Variants in CDH13 observed in about 807,000 individuals in gnomAD.
CDH13 encodes the protein cadherin-13.
Under a neutral mutation model 63.8 loss-of-function variants are expected in CDH13, and 24 were observed. The ratio of observed to expected loss-of-function variants is 0.38; its 90% CI spans 0.27 to 0.53. CDH13 has a LOEUF of 0.53. CDH13 is among the 20% of genes least tolerant of loss of function. The pLI is 0.85. For synonymous variants in CDH13, 503 were observed against 355.3 expected (o/e 1.42, Z -4.67); for missense variants, 1,049 against 903.1 (o/e 1.16, Z -2.07).
intron 3 of CDH13, among the ~76,000 whole-genome samples, chr16:83,110,298 G>A (rs1365642401): frequency 6.6e-5 from 10 of 152,164 alleles, no homozygotes; most frequent in African/African-American, 2.4e-4. Context: ...TAATTGGCAT[G>A]TCTGTCTTTC....
chr16:83,598,605 A>G (rs1907488551), intron 7 of CDH13, among the ~76,000 whole-genome samples: 1 of 152,164 alleles, frequency 6.6e-6, no homozygotes, highest in Non-Finnish European at 1.5e-5. Context: ...AAACTGCCTT[A>G]TTCCTACCTA....
At chr16:83,514,366 G>C (rs117430654) in intron 7 of CDH13, among the ~76,000 whole-genome samples, 2 of 152,252 alleles carry the variant, frequency 1.3e-5, no homozygotes, top group Non-Finnish European at 2.9e-5. Flanking sequence ...GAGGAGGGCC[G>C]GGTTCGGTGG....
intron 4 of CDH13, among the ~76,000 whole-genome samples, chr16:83,206,656 C>G (rs559752868): frequency 6.6e-6 from 1 of 152,342 alleles, no homozygotes; most frequent in African/African-American, 2.4e-5. Context: ...GGCCACTGCT[C>G]CTAGGACCAC....
At chr16:82,810,715 T>C (rs2037400259) in intron 1 of CDH13, among the ~76,000 whole-genome samples, 1 of 152,124 alleles carries the variant, frequency 6.6e-6, no homozygotes, top group South Asian at 2.1e-4. Context: ...CTCCCAACCC[T>C]TCAGTCAGCT....
At chr16:83,154,422 C>T (rs192660705) in intron 4 of CDH13, among the ~76,000 whole-genome samples, 2 of 151,956 alleles carry the variant, frequency 1.3e-5, no homozygotes, top group African/African-American at 4.8e-5. Context: ...ATAAAATTAG[C>T]AAGGTGTGGT....
intron 4 of CDH13, among the ~76,000 whole-genome samples, chr16:83,202,141 C>T (rs1283798891): frequency 6.6e-6 from 1 of 152,134 alleles, no homozygotes; most frequent in Non-Finnish European, 1.5e-5. Flanking sequence ...TTCAAAGGTC[C>T]TCAGTCTCTC....
intron 1 of CDH13, among the ~76,000 whole-genome samples, chr16:82,630,922 C>A (rs945641975): frequency 1.3e-5 from 2 of 152,198 alleles, no homozygotes; most frequent in Admixed American, 1.3e-4. Flanking sequence ...CACAGCATTA[C>A]AAAATTCTGA....
chr16:83,484,703 T>C (rs1377316155), intron 6 of CDH13, among the ~76,000 whole-genome samples: 1 of 152,226 alleles, frequency 6.6e-6, no homozygotes, highest in African/African-American at 2.4e-5. Flanking sequence ...CAGGGAGAAG[T>C]TCTCCTTATA....
At chr16:83,580,143 G>C (rs1350459810) in intron 7 of CDH13, among the ~76,000 whole-genome samples, 1 of 152,166 alleles carries the variant, frequency 6.6e-6, no homozygotes, top group Non-Finnish European at 1.5e-5. Context: ...GAGTTTAAAT[G>C]TTATCCTGGT....
intron 7 of CDH13, among the ~76,000 whole-genome samples, chr16:83,500,323 C>T (rs867535996): frequency 0.014 from 6 of 414 alleles, 1 homozygote; most frequent in African/African-American, 0.016. Flanking sequence ...TCCTTCTCCT[C>T]CTCCTCCTCC....
At chr16:83,465,328 G>A (rs568815226) in intron 6 of CDH13, among the ~76,000 whole-genome samples, 108 of 152,306 alleles carry the variant, frequency 7.1e-4, no homozygotes, top group African/African-American at 2.5e-3. Context: ...AGAATTACAA[G>A]AGGGTCCCTG....
At chr16:83,037,545 C>T (rs1253356561) in intron 3 of CDH13, among the ~76,000 whole-genome samples, 1 of 152,160 alleles carries the variant, frequency 6.6e-6, no homozygotes, top group African/African-American at 2.4e-5. Context: ...TCCAGATTGT[C>T]TAGCCTGGAG....
At chr16:82,872,889 T>C (rs2040391871) in intron 2 of CDH13, among the ~76,000 whole-genome samples, 1 of 152,198 alleles carries the variant, frequency 6.6e-6, no homozygotes, top group Non-Finnish European at 1.5e-5. Flanking sequence ...GATAAAGCTT[T>C]GAATCAGATA....
At chr16:82,772,519 C>G (rs1005062315) in intron 1 of CDH13, among the ~76,000 whole-genome samples, 1 of 152,162 alleles carries the variant, frequency 6.6e-6, no homozygotes, top group South Asian at 2.1e-4. Flanking sequence ...GGTCTCTCAA[C>G]CTGAGGTGGC....
At chr16:83,394,558 G>A (rs2091849381) in intron 6 of CDH13, among the ~76,000 whole-genome samples, 1 of 152,168 alleles carries the variant, frequency 6.6e-6, no homozygotes, top group Admixed American at 6.5e-5. Flanking sequence ...CAACTGTGCA[G>A]GCGTAGTAAA....
At chr16:83,473,654 G>C (rs1228268173) in intron 6 of CDH13, among the ~76,000 whole-genome samples, 1 of 152,138 alleles carries the variant, frequency 6.6e-6, no homozygotes, top group Non-Finnish European at 1.5e-5. Flanking sequence ...GCAGGGCAAG[G>C]TCCTCAATAG....
At chr16:83,063,030 C>T (rs933244114) in intron 3 of CDH13, among the ~76,000 whole-genome samples, 5 of 149,446 alleles carry the variant, frequency 3.3e-5, no homozygotes, top group Middle Eastern at 3.6e-3. Context: ...GGTGCGATCT[C>T]GGCTCACTGC....
chr16:83,474,320 A>G (rs1474984357), intron 6 of CDH13, among the ~76,000 whole-genome samples: 1 of 152,140 alleles, frequency 6.6e-6, no homozygotes, highest in Non-Finnish European at 1.5e-5. Flanking sequence ...GAGCCTCTGT[A>G]AGGTTGTGTA....
intron 5 of CDH13, among the ~76,000 whole-genome samples, chr16:83,271,055 T>A (rs1030152453): frequency 6.6e-6 from 1 of 151,296 alleles, no homozygotes; most frequent in African/African-American, 2.4e-5. Flanking sequence ...CACCACCAGC[T>A]CCCTGCTTTT....
Sources: gnomAD v4.1 joint callset for allele counts (sites outside exome capture counted in the v4.1 genomes callset) on GRCh38, gnomAD v4.1.1 for gene constraint, MANE v1.5 for transcripts, NCBI Gene and HGNC (gene_info 2026-07-23, HGNC 2026-07-21) for gene names.